Variants in PRLR observed in about 807,000 individuals in gnomAD.
PRLR encodes prolactin receptor, also known as hPRL receptor.
PRLR carries 13 observed loss-of-function variants against 40.2 expected under a neutral mutation model. The ratio of observed to expected loss-of-function variants is 0.32; its 90% CI spans 0.21 to 0.51. PRLR has a LOEUF of 0.51. PRLR is among the 20% of genes least tolerant of loss of function. PRLR has a pLI of 0.97. For missense variants in PRLR, 656 were observed against 747.3 expected (o/e 0.88, Z 1.42); for synonymous variants, 269 against 278.7 (o/e 0.97, Z 0.35).
chr5:35,095,042 T>C (rs1579633202), intron 2 of PRLR, among the ~76,000 whole-genome samples: 1 of 152,224 alleles, frequency 6.6e-6, no homozygotes. Flanking sequence ...TTGCCCAGGC[T>C]GGTCTCAAAC....
At chr5:35,145,084 G>A (rs573624669) in intron 1 of PRLR, among the ~76,000 whole-genome samples, 14 of 152,210 alleles carry the variant, frequency 9.2e-5, no homozygotes, top group Non-Finnish European at 1.3e-4. Context: ...AAATCATCCC[G>A]GAGTGAATAT....
At chr5:35,216,726 C>T (rs561082225) in intron 1 of PRLR, among the ~76,000 whole-genome samples, 4 of 152,298 alleles carry the variant, frequency 2.6e-5, no homozygotes, top group South Asian at 4.1e-4. Context: ...TGGTTTGGCA[C>T]TAGTTAGGCT....
intron 1 of PRLR, among the ~76,000 whole-genome samples, chr5:35,225,541 CA>C (rs1262393167): frequency 6.6e-6 from 1 of 152,098 alleles, no homozygotes; most frequent in Non-Finnish European, 1.5e-5. Flanking sequence ...ATGTGAGTCA[CA>C]TATGTAATTT....
intron 1 of PRLR, among the ~76,000 whole-genome samples, chr5:35,190,548 T>C (rs1320426621): frequency 2.6e-5 from 4 of 151,728 alleles, no homozygotes; most frequent in African/African-American, 4.8e-5. Context: ...GAGGTTGCAG[T>C]GAGCCGAGAT....
At chr5:35,173,413 T>G (rs1775057075) in intron 1 of PRLR, among the ~76,000 whole-genome samples, 1 of 152,202 alleles carries the variant, frequency 6.6e-6, no homozygotes, top group Non-Finnish European at 1.5e-5. Context: ...TCTTGTTCCC[T>G]GGGGAGTGAG....
intron 1 of PRLR, chr5:35,195,678 GAATGCTGTGGCTCT>G (rs1775716247): frequency 6.6e-6 from 1 of 152,226 alleles, no homozygotes; most frequent in Non-Finnish European, 1.5e-5. Context: ...CTGACAAGGA[GAATGCTGTGGCTCT>G]ACGCAGTCAT....
chr5:35,104,922 T>C lies in PRLR; in HGVS notation c.-44+13139A>G, dbSNP rs561355297. Reference sequence around the variant, plus strand: ...ATCGGAGAACAGACAGACTGCCTCCTCAAGTGGGTCCCTGACCCCCGAGTA... The same window carrying C: ...ATCGGAGAACAGACAGACTGCCTCCCCAAGTGGGTCCCTGACCCCCGAGTA... On this transcript the variant is annotated intron_variant, in intron 2 of 9. Transcript: ENST00000618457. Among the ~76,000 whole-genome samples, 3 of 152,326 alleles carry C rather than the reference T, an allele frequency of 2.0e-5. No individual in the cohort carries two copies. The East Asian group carries it at 5.8e-4, about 29-fold the overall frequency.
intron 1 of PRLR, among the ~76,000 whole-genome samples, chr5:35,187,256 C>G (rs1304886171): frequency 2.0e-5 from 3 of 152,004 alleles, no homozygotes; most frequent in Admixed American, 2.0e-4. Context: ...CAAAAATTAA[C>G]CAGGCTTCAT....
rs1031543229 is a variant in PRLR, at chr5:35,057,082, C to T, written c.*8007G>A. The T allele has an allele frequency of 3.9e-5, 6 of 151,980 alleles. No individual in the cohort carries two copies. The highest frequency in any genetic ancestry group is 3.9e-4 in the Admixed American group (6 of 15,252). The allele number at this position is 151,980 out of a possible 1,614,324, so 9.4% of individuals were successfully genotyped here. A position where few individuals can be genotyped will look rare whatever the true frequency, so the allele number is the denominator to read the frequency against. ...AAATAATAACTGTTCAAAAGGATTC[C>T]CCACTTAAAAAAATGCTTTGGTTCT... On this transcript the variant is annotated 3_prime_UTR_variant, in exon 10 of 10. Transcript: ENST00000618457.
At chr5:35,073,729 G>C (rs1769894668) in intron 5 of PRLR, among the ~76,000 whole-genome samples, 1 of 152,178 alleles carries the variant, frequency 6.6e-6, no homozygotes. Context: ...AGGCTGACGT[G>C]AGTGAAGTGC....
intron 1 of PRLR, among the ~76,000 whole-genome samples, chr5:35,192,676 T>C (rs1184844734): frequency 6.6e-6 from 1 of 152,152 alleles, no homozygotes; most frequent in African/African-American, 2.4e-5. Context: ...GTAGCACAAA[T>C]GAACAAGAAA....
At chr5:35,178,167 C>G (rs557007934) in intron 1 of PRLR, among the ~76,000 whole-genome samples, 15 of 152,160 alleles carry the variant, frequency 9.9e-5, no homozygotes, top group African/African-American at 3.6e-4. Context: ...ACTGGGTTAT[C>G]TTTTTATTAT....
At chr5:35,126,602 G>T (rs904304535) in intron 1 of PRLR, among the ~76,000 whole-genome samples, 2 of 152,142 alleles carry the variant, frequency 1.3e-5, no homozygotes, top group African/African-American at 4.8e-5. Flanking sequence ...CGGACCAAAA[G>T]GGATCTAAAT....
chr5:35,123,226 G>A (rs1381985583), intron 1 of PRLR, among the ~76,000 whole-genome samples: 4 of 152,172 alleles, frequency 2.6e-5, no homozygotes, highest in African/African-American at 9.6e-5. Flanking sequence ...GACAGCATCA[G>A]CATAATCTTA....
At chr5:35,224,746 GGTAACATGCAAACCAGTAGA>G (rs944419379) in intron 1 of PRLR, among the ~76,000 whole-genome samples, 74 of 152,236 alleles carry the variant, frequency 4.9e-4, no homozygotes, top group African/African-American at 1.7e-3. Flanking sequence ...GGAGAGAGAG[GGTAACATGCAAACCAGTAGA>G]GTACACAAAA....
chr5:35,090,177 T>C (rs1266136864), intron 2 of PRLR, among the ~76,000 whole-genome samples: 1 of 152,200 alleles, frequency 6.6e-6, no homozygotes, highest in East Asian at 1.9e-4. Context: ...GTTCTGGAAG[T>C]CTTCTGGGTT....
chr5:35,139,966 G>A (rs1184558746), intron 1 of PRLR, among the ~76,000 whole-genome samples: 1 of 152,110 alleles, frequency 6.6e-6, no homozygotes, highest in Non-Finnish European at 1.5e-5. Context: ...AGTCTTTGAA[G>A]TAATTACATT....
intron 1 of PRLR, among the ~76,000 whole-genome samples, chr5:35,132,072 C>A (rs1297682041): frequency 6.6e-6 from 1 of 152,180 alleles, no homozygotes; most frequent in East Asian, 1.9e-4. Context: ...CTCACTCTGG[C>A]TTTGATGTTG....
chr5:35,104,939 C>T lies in PRLR; in HGVS notation c.-44+13122G>A, dbSNP rs929197981. ...CTGCCTCCTCAAGTGGGTCCCTGAC[C>T]CCCGAGTAGCCTAACTAGGAGACAC... On this transcript the variant is annotated intron_variant, in intron 2 of 9. Transcript: ENST00000618457. Among the ~76,000 whole-genome samples, 6 of 152,206 alleles carry T rather than the reference C, an allele frequency of 3.9e-5. No homozygotes were observed. In the East Asian group the frequency reaches 1.2e-3, roughly 29 times the overall value.
Sources: allele counts gnomAD v4.1 joint callset (sites outside exome capture counted in the v4.1 genomes callset), GRCh38; gene constraint gnomAD v4.1.1; transcripts MANE v1.5; gene names NCBI Gene and HGNC (gene_info 2026-07-23, HGNC 2026-07-21).